The following MCF2 variants were observed in gnomAD, a reference collection of about 807,000 sequenced individuals.
MCF2 encodes the protein proto-oncogene DBL.
Under a neutral mutation model 82.5 loss-of-function variants are expected in MCF2, and 44 were observed. The observed-to-expected ratio is 0.53, with a 90% confidence interval of 0.42 to 0.69. The LOEUF (loss-of-function observed/expected upper bound fraction) is 0.69, where lower values mean the gene tolerates loss of function less well. Among genes scored for constraint, MCF2 ranks in the 30% least tolerant of loss-of-function variants. The pLI is 0.00. For synonymous variants in MCF2, 217 were observed against 224.9 expected (o/e 0.96, Z 0.32); for missense variants, 623 against 663.1 (o/e 0.94, Z 0.66).
At chrX:139,614,285 A>G (rs767241160) in intron 10 of MCF2, among the ~76,000 whole-genome samples, 2 of 112,034 alleles carry the variant, frequency 1.8e-5, no homozygotes, top group South Asian at 7.4e-4. Flanking sequence ...GAACTCTGTA[A>G]TAGTAAATTA....
intron 10 of MCF2, among the ~76,000 whole-genome samples, chrX:139,613,891 T>C (rs1459017660): frequency 9.0e-6 from 1 of 111,543 alleles, no homozygotes; most frequent in Non-Finnish European, 1.9e-5. Context: ...CATGTAACTT[T>C]CATAATCTTA....
chrX:139,593,865 A>G (rs1174679412), intron 19 of MCF2, among the ~76,000 whole-genome samples: 5 of 111,308 alleles, frequency 4.5e-5, no homozygotes, highest in Non-Finnish European at 9.4e-5. Context: ...CTGATAAGCA[A>G]CTTCAGCAAA....
At position 139,671,585 on chromosome X, in the gene MCF2, T is replaced by G. The variant is rs765100858; in HGVS notation, c.-44-19797A>C. Among the ~76,000 whole-genome samples the G allele has an allele frequency of 8.2e-3, 921 of 111,823 alleles. 7 individuals are homozygous for G. Among genetic ancestry groups the G allele is most frequent in the African/African-American group, 0.027 (836 of 30,801 alleles). ...TTAAATAGGGAATCCTTTCCCCATT[T>G]CTTGTTTTTGTCAGGTTTGTCAAAG... On this transcript the variant is annotated intron_variant, in intron 1 of 27. Coordinates refer to the MCF2 transcript ENST00000414978.
intron 1 of MCF2, among the ~76,000 whole-genome samples, chrX:139,640,441 A>G (rs1197610559): frequency 9.0e-6 from 1 of 111,510 alleles, no homozygotes; most frequent in African/African-American, 3.3e-5. Context: ...TTGTCAAGCA[A>G]CTTGTCAAGT....
intron 1 of MCF2, among the ~76,000 whole-genome samples, chrX:139,666,836 A>C (rs1023918045): frequency 8.9e-6 from 1 of 111,930 alleles, no homozygotes; most frequent in Non-Finnish European, 1.9e-5. Context: ...CCTCAGGGAT[A>C]CTGATAATTC....
intron 1 of MCF2, among the ~76,000 whole-genome samples, chrX:139,693,749 T>C (rs1190837789): frequency 9.0e-6 from 1 of 111,432 alleles, no homozygotes; most frequent in Non-Finnish European, 1.9e-5. Context: ...GTGGCAGTTG[T>C]TGTAAAATAA....
At chrX:139,603,631 C>G (rs999601700) in intron 15 of MCF2, among the ~76,000 whole-genome samples, 4 of 111,613 alleles carry the variant, frequency 3.6e-5, no homozygotes, top group African/African-American at 6.5e-5. Context: ...GTCAGGAGAT[C>G]GAGACCATCC....
At chrX:139,604,615 T>C in intron 15 of MCF2, 66 bp downstream of exon 19, 1 of 708,567 alleles carries the variant, frequency 1.4e-6, no homozygotes, top group Non-Finnish European at 2.1e-6. Flanking sequence ...CCAAATCTGT[T>C]CTTATAAGTG....
intron 1 of MCF2, among the ~76,000 whole-genome samples, chrX:139,693,982 C>T (rs1935331134): frequency 8.9e-6 from 1 of 111,915 alleles, no homozygotes; most frequent in South Asian, 3.7e-4. Context: ...AAACACTATA[C>T]ATGTGTATGG....
At chrX:139,598,524 AAAATT>A (rs778344008) in intron 16 of MCF2, 26 bp from the exon 21 acceptor site, 13 of 903,809 alleles carry the variant, frequency 1.4e-5, no homozygotes, top group Non-Finnish European at 2.0e-5. Flanking sequence ...AAATATCAAT[AAAATT>A]AAATTAAGAC....
At position 139,667,524 on chromosome X, in the gene MCF2, G is replaced by A. The variant is rs537085773; in HGVS notation, c.-44-15736C>T. On this transcript the variant is annotated intron_variant, in intron 1 of 27. Coordinates refer to the MCF2 transcript ENST00000414978. Reference sequence around the variant, plus strand: ...GTGGTAGTAGCCAGGAGTTTAGGTCGTACATCCAGCCCCTAGGAGGAATGT... The same window carrying A: ...GTGGTAGTAGCCAGGAGTTTAGGTCATACATCCAGCCCCTAGGAGGAATGT... Among the ~76,000 whole-genome samples the A allele has an allele frequency of 5.4e-5, 6 of 111,727 alleles. No individual in the cohort carries two copies. In the East Asian group the frequency reaches 8.5e-4, roughly 16 times the overall value.
chrX:139,699,091 C>G (rs975307945), intron 1 of MCF2, among the ~76,000 whole-genome samples: 1 of 111,641 alleles, frequency 9.0e-6, no homozygotes, highest in Non-Finnish European at 1.9e-5. Flanking sequence ...TTGGCTGACT[C>G]TAATCCTAGC....
intron 1 of MCF2, among the ~76,000 whole-genome samples, chrX:139,680,774 C>T (rs745781081): frequency 8.9e-6 from 1 of 112,512 alleles, no homozygotes; most frequent in South Asian, 3.7e-4. Context: ...AGATCTCCTA[C>T]TCTGTAGCTA....
intron 1 of MCF2, among the ~76,000 whole-genome samples, chrX:139,636,042 A>G (rs1404017458): frequency 8.9e-6 from 1 of 111,985 alleles, no homozygotes; most frequent in Non-Finnish European, 1.9e-5. Context: ...AGGACATGAA[A>G]AGGCACTTTT....
At chrX:139,659,625 G>T (rs1934302421) in intron 1 of MCF2, among the ~76,000 whole-genome samples, 1 of 111,608 alleles carries the variant, frequency 9.0e-6, no homozygotes, top group Non-Finnish European at 1.9e-5. Context: ...TCTGAACCAG[G>T]CTGCACACAC....
At chrX:139,624,852 G>C (rs1932664750) in intron 6 of MCF2, among the ~76,000 whole-genome samples, 1 of 110,865 alleles carries the variant, frequency 9.0e-6, no homozygotes, top group Admixed American at 9.7e-5. Context: ...TAGGGGGAAA[G>C]GGCCATCATG....
At position 139,598,386 on chromosome X, in the gene MCF2, C is replaced by T; in HGVS notation, c.1929+20G>A. On this transcript the variant is annotated intron_variant, in intron 17 of 24. Coordinates refer to ENST00000370576, the Ensembl canonical transcript of MCF2. ...CTGACTCAAAAAGTAAAGAAACAAACAAATGCTTCATATAATTACCTTCAA... is the reference window on the plus strand; with the variant it reads ...CTGACTCAAAAAGTAAAGAAACAAATAAATGCTTCATATAATTACCTTCAA... The T allele has an allele frequency of 9.7e-7, 1 of 1,030,231 alleles. No individual in the cohort carries two copies. The highest frequency in any genetic ancestry group is 1.4e-6 in the Non-Finnish European group (1 of 739,346). 84.9% of individuals were successfully genotyped at this position (1,030,231 alleles called of 1,213,427 possible). A position where few individuals can be genotyped will look rare whatever the true frequency, so the allele number is the denominator to read the frequency against.
At chrX:139,646,438 A>G (rs1355501322), upstream of MCF2, among the ~76,000 whole-genome samples, 2 of 112,150 alleles carry the variant, frequency 1.8e-5, no homozygotes, top group Non-Finnish European at 3.8e-5. Context: ...CTTGTGTTAT[A>G]TTCAGAAGAA....
chrX:139,692,187 A>C, intron 1 of MCF2: 2 of 946,816 alleles, frequency 2.1e-6, no homozygotes, highest in Non-Finnish European at 2.9e-6. Context: ...TGCCATCCTC[A>C]CGCTGGAGAG....
Sources: allele counts gnomAD v4.1 joint callset (sites outside exome capture counted in the v4.1 genomes callset), GRCh38; gene constraint gnomAD v4.1.1; transcripts MANE v1.5; gene names NCBI Gene and HGNC (gene_info 2026-07-23, HGNC 2026-07-21).